RERE: variants seen among roughly 807,000 people sequenced by gnomAD.
RERE encodes arginine-glutamic acid dipeptide repeats protein.
In RERE, 40 loss-of-function variants were observed where a neutral mutation model predicts 146.1. The observed-to-expected ratio is 0.27, with a 90% CI of 0.21 to 0.36. The LOEUF (loss-of-function observed/expected upper bound fraction) is 0.36, where lower values mean the gene tolerates loss of function less well. Among genes scored for constraint, RERE ranks in the 10% least tolerant of loss-of-function variants. The pLI is 1.00. For missense variants in RERE, 1,933 were observed against 2,138.7 expected (o/e 0.90, Z 1.90); for synonymous variants, 1,003 against 866.0 (o/e 1.16, Z -2.78).
intron 3 of RERE, among the ~76,000 whole-genome samples, chr1:8,618,203 C>T (rs1443741249): frequency 1.3e-5 from 2 of 152,226 alleles, no homozygotes; most frequent in East Asian, 3.8e-4. Context: ...ACATCACAAT[C>T]AGTGTCATTC....
At chr1:8,417,020 T>C (rs1413164217) in intron 12 of RERE, among the ~76,000 whole-genome samples, 1 of 152,208 alleles carries the variant, frequency 6.6e-6, no homozygotes, top group African/African-American at 2.4e-5. Flanking sequence ...GATCTTCTAA[T>C]GTACTGGTAT....
At position 8,590,477 on chromosome 1, in the gene RERE, A is replaced by G. The variant is rs187489225; in HGVS notation, c.522+24084T>C. The stretch of plus-strand genomic sequence containing the variant: ...ATTTGGGGAGGTAAATTAACTCAGG[A>G]AACAAATTTTATGAAACTGCAGAGA... On this transcript the variant is annotated intron_variant, in intron 4 of 22. Coordinates refer to ENST00000400908, the MANE Select transcript of RERE (RefSeq NM_001042681.2). 2.6e-5 allele frequency among the ~76,000 whole-genome samples: 4 copies of G among 152,282 alleles called. No homozygotes were observed. In the East Asian group the frequency reaches 5.8e-4, roughly 22 times the overall value.
chr1:8,449,598 C>A lies in RERE; in HGVS notation c.1203+16327G>T, dbSNP rs145359759. Among the ~76,000 whole-genome samples the A allele has an allele frequency of 8.5e-5, 13 of 152,304 alleles. No homozygotes were observed. The East Asian group carries it at 2.3e-3, about 27-fold the overall frequency. On this transcript the variant is annotated intron_variant, in intron 11 of 22. Coordinates refer to ENST00000400908, the MANE Select transcript of RERE (RefSeq NM_001042681.2). ...AAAATGCACATCTAGGTATGAAAAA[C>A]GCACAGATTGCTCTGTCAAAGACCA...
At chr1:8,396,919 G>A (rs1570137273) in intron 12 of RERE, among the ~76,000 whole-genome samples, 2 of 152,178 alleles carry the variant, frequency 1.3e-5, no homozygotes, top group Admixed American at 6.5e-5. Context: ...TTAAAGGTAA[G>A]GGAAAACTCA....
intron 2 of RERE, among the ~76,000 whole-genome samples, chr1:8,640,911 T>C (rs1254947498): frequency 6.6e-6 from 1 of 152,236 alleles, no homozygotes; most frequent in Non-Finnish European, 1.5e-5. Flanking sequence ...GGTATTCACA[T>C]AGCTCCAAAG....
intron 1 of RERE, among the ~76,000 whole-genome samples, chr1:8,705,692 G>C (rs1557493280): frequency 6.6e-6 from 1 of 152,060 alleles, no homozygotes; most frequent in Non-Finnish European, 1.5e-5. Flanking sequence ...ATTTATGTCA[G>C]GTACACAAAT....
chr1:8,761,358 TATTAAA>T (rs906476225), intron 1 of RERE, among the ~76,000 whole-genome samples: 11 of 152,208 alleles, frequency 7.2e-5, no homozygotes, highest in African/African-American at 2.7e-4. Flanking sequence ...CTTCTCAAGA[TATTAAA>T]TATTTCCATC....
At chr1:8,764,094 T>C (rs1640804574) in intron 1 of RERE, among the ~76,000 whole-genome samples, 1 of 152,142 alleles carries the variant, frequency 6.6e-6, no homozygotes, top group South Asian at 2.1e-4. Context: ...CAGAACCCCA[T>C]GCTTCTTATC....
At chr1:8,771,139 T>C (rs1375264865) in intron 1 of RERE, among the ~76,000 whole-genome samples, 1 of 151,414 alleles carries the variant, frequency 6.6e-6, no homozygotes, top group Non-Finnish European at 1.5e-5. Context: ...GGGGGGAAAA[T>C]GTAATGAAAA....
At chr1:8,598,548 C>A (rs138827351) in intron 4 of RERE, among the ~76,000 whole-genome samples, 214 of 152,308 alleles carry the variant, frequency 1.4e-3, no homozygotes, top group African/African-American at 4.8e-3. Flanking sequence ...CACAGCCTCT[C>A]ATGGCAGCTG....
chr1:8,621,041 C>T (rs1172207625), intron 3 of RERE, among the ~76,000 whole-genome samples: 1 of 151,898 alleles, frequency 6.6e-6, no homozygotes, highest in African/African-American at 2.4e-5. Flanking sequence ...CAGTGTAGGA[C>T]GGTGGTGTCC....
chr1:8,425,963 A>G (rs1404912703), intron 11 of RERE, among the ~76,000 whole-genome samples: 1 of 152,214 alleles, frequency 6.6e-6, no homozygotes, highest in Non-Finnish European at 1.5e-5. Flanking sequence ...TGAGGCACAG[A>G]TAGGTAACTA....
At chr1:8,436,877 T>C (rs532815198) in intron 11 of RERE, among the ~76,000 whole-genome samples, 9 of 152,288 alleles carry the variant, frequency 5.9e-5, no homozygotes, top group Middle Eastern at 3.4e-3. Context: ...GGCCAGCACA[T>C]TGCAGATGCT....
intron 1 of RERE, among the ~76,000 whole-genome samples, chr1:8,694,166 C>G (rs1639270069): frequency 6.6e-6 from 1 of 151,822 alleles, no homozygotes; most frequent in South Asian, 2.1e-4. Context: ...GGCATCCAAA[C>G]AGGAAAAGAA....
intron 6 of RERE, 136 bp from the exon 7 acceptor site, chr1:8,541,454 T>G: frequency 1.7e-6 from 1 of 578,986 alleles, no homozygotes; most frequent in East Asian, 2.8e-5. Context: ...CACACTTTAT[T>G]TCACCTATTC....
At chr1:8,814,858 T>C (rs1360648700) in intron 1 of RERE, among the ~76,000 whole-genome samples, 1 of 152,202 alleles carries the variant, frequency 6.6e-6, no homozygotes, top group Non-Finnish European at 1.5e-5. Flanking sequence ...AAAGTGTAAA[T>C]ACTTCTGGTA....
At chr1:8,662,987 A>G (rs1477925525) in intron 1 of RERE, among the ~76,000 whole-genome samples, 6 of 152,202 alleles carry the variant, frequency 3.9e-5, no homozygotes, top group Non-Finnish European at 8.8e-5. Context: ...TAAAATATCA[A>G]TAATATGTAT....
intron 11 of RERE, among the ~76,000 whole-genome samples, chr1:8,436,257 T>C (rs1644168568): frequency 6.6e-6 from 1 of 152,120 alleles, no homozygotes; most frequent in Admixed American, 6.5e-5. Context: ...AGACAGAGGT[T>C]GCAATGAGCT....
chr1:8,720,328 A>G (rs556945194), intron 1 of RERE, among the ~76,000 whole-genome samples: 1 of 152,112 alleles, frequency 6.6e-6, no homozygotes, highest in Admixed American at 6.6e-5. Context: ...GTAGAAAGAC[A>G]CTCCTGACCT....
Sources: gnomAD v4.1 joint callset for allele counts (sites outside exome capture counted in the v4.1 genomes callset) on GRCh38, gnomAD v4.1.1 for gene constraint, MANE v1.5 for transcripts, NCBI Gene and HGNC (gene_info 2026-07-23, HGNC 2026-07-21) for gene names.